Variants in CADPS observed in about 807,000 individuals in gnomAD.
CADPS encodes the protein calcium-dependent secretion activator 1.
CADPS carries 57 observed loss-of-function variants against 167.3 expected under a neutral mutation model. The ratio of observed to expected loss-of-function variants is 0.34; its 90% CI spans 0.28 to 0.42. The LOEUF is 0.42. CADPS is among the 20% of genes least tolerant of loss of function. The probability of loss-of-function intolerance (pLI) is 1.00; values close to 1 mark genes in which losing one functional copy is unlikely to be tolerated. For synonymous variants in CADPS, 676 were observed against 635.3 expected (o/e 1.06, Z -0.96); for missense variants, 1,414 against 1,738.1 (o/e 0.81, Z 3.32).
chr3:62,794,561 T>C (rs191251673), intron 1 of CADPS, among the ~76,000 whole-genome samples: 1 of 152,314 alleles, frequency 6.6e-6, no homozygotes, highest in African/African-American at 2.4e-5. Flanking sequence ...AGATGTTTGA[T>C]ATAGTTACAG....
intron 28 of CADPS, among the ~76,000 whole-genome samples, chr3:62,437,769 C>T (rs1485583121): frequency 6.6e-6 from 1 of 152,110 alleles, no homozygotes; most frequent in African/African-American, 2.4e-5. Context: ...TAAAGTGAGG[C>T]CAGATTGCAA....
chr3:62,583,034 A>ATT (rs774354399), intron 8 of CADPS, among the ~76,000 whole-genome samples: 79,548 of 151,248 alleles, frequency 0.53, 23,354 homozygotes, highest in East Asian at 0.66. Flanking sequence ...GAGAACTCGA[A>ATT]TGTAGGTTGA....
At chr3:62,843,494 T>G (rs79327609) in intron 1 of CADPS, among the ~76,000 whole-genome samples, 1,495 of 122,690 alleles carry the variant, frequency 0.012, 14 homozygotes, top group South Asian at 0.039. Context: ...GCAGTTGGGG[T>G]GTGTGTGTGT....
intron 3 of CADPS, among the ~76,000 whole-genome samples, chr3:62,717,558 CT>C (rs560854393): frequency 6.6e-6 from 1 of 152,080 alleles, no homozygotes. Context: ...TGCTTATTTC[CT>C]TTTTCCCCTC....
intron 3 of CADPS, among the ~76,000 whole-genome samples, chr3:62,714,051 G>A (rs539052178): frequency 6.6e-6 from 1 of 152,170 alleles, no homozygotes; most frequent in South Asian, 2.1e-4. Context: ...TTTTATAGAT[G>A]AGGCCATTGA....
chr3:62,673,581 A>G (rs1298334862), intron 3 of CADPS, among the ~76,000 whole-genome samples: 1 of 152,238 alleles, frequency 6.6e-6, no homozygotes, highest in African/African-American at 2.4e-5. Context: ...TGAGAGCAGG[A>G]TAAATACATA....
intron 3 of CADPS, among the ~76,000 whole-genome samples, chr3:62,701,758 T>G (rs2081440282): frequency 6.6e-6 from 1 of 152,124 alleles, no homozygotes; most frequent in Admixed American, 6.6e-5. Context: ...AGAATGACTA[T>G]GAACCAGGTA....
chr3:62,846,238 T>C (rs1024892439), intron 1 of CADPS, among the ~76,000 whole-genome samples: 4 of 152,202 alleles, frequency 2.6e-5, no homozygotes, highest in Non-Finnish European at 4.4e-5. Context: ...CTCAGGTAGT[T>C]ATTTATAGCA....
At chr3:62,810,421 C>T (rs1016300597) in intron 1 of CADPS, among the ~76,000 whole-genome samples, 2 of 152,096 alleles carry the variant, frequency 1.3e-5, no homozygotes, top group Non-Finnish European at 2.9e-5. Context: ...TCATCATCAT[C>T]ATTCATGAGT....
At chr3:62,472,977 A>G (rs143969998) in intron 24 of CADPS, among the ~76,000 whole-genome samples, 28 of 152,314 alleles carry the variant, frequency 1.8e-4, no homozygotes, top group African/African-American at 6.7e-4. Flanking sequence ...AGAAATGCCA[A>G]TTCTTAGACC....
intron 1 of CADPS, among the ~76,000 whole-genome samples, chr3:62,843,998 G>A (rs2077011271): frequency 6.6e-6 from 1 of 152,182 alleles, no homozygotes; most frequent in Admixed American, 6.6e-5. Context: ...CCCTTGGCAA[G>A]TATATAAAAT....
chr3:62,629,768 G>T lies in CADPS; in HGVS notation c.1325+15954C>A, dbSNP rs2668226. ...CAGACTCTGGTACAGTTTTTTTTTT[G>T]TTTGTTTGTTTGTTTTTTTCCTGTC... On this transcript the variant is annotated intron_variant, in intron 6 of 29. Coordinates refer to ENST00000383710, the MANE Select transcript of CADPS (RefSeq NM_003716.4). Among the ~76,000 whole-genome samples, 1,021 of 147,496 alleles carry T rather than the reference G, an allele frequency of 6.9e-3. 5 individuals carry two copies. The highest frequency in any genetic ancestry group is 0.012 in the African/African-American group (486 of 40,642).
At chr3:62,713,440 CA>C (rs749385103) in intron 3 of CADPS, among the ~76,000 whole-genome samples, 57 of 152,202 alleles carry the variant, frequency 3.7e-4, no homozygotes, top group Non-Finnish European at 6.0e-4. Context: ...CAACACCTGG[CA>C]GTTATCACCC....
At chr3:62,782,386 T>C (rs913641679) in intron 1 of CADPS, among the ~76,000 whole-genome samples, 10 of 152,194 alleles carry the variant, frequency 6.6e-5, no homozygotes, top group African/African-American at 9.6e-5. Context: ...GTTCTAGGCA[T>C]TGAAAAGTCA....
At chr3:62,792,285 C>T (rs1449607473) in intron 1 of CADPS, among the ~76,000 whole-genome samples, 1 of 151,308 alleles carries the variant, frequency 6.6e-6, no homozygotes, top group Non-Finnish European at 1.5e-5. Context: ...GCAACCTTGA[C>T]CTTGACCTCT....
At chr3:62,789,938 T>C (rs2092788059) in intron 1 of CADPS, among the ~76,000 whole-genome samples, 1 of 152,110 alleles carries the variant, frequency 6.6e-6, no homozygotes, top group South Asian at 2.1e-4. Context: ...TATTCTAAAC[T>C]CTGTGAAATA....
intron 1 of CADPS, among the ~76,000 whole-genome samples, chr3:62,853,369 A>G (rs2079004457): frequency 6.6e-6 from 1 of 152,044 alleles, no homozygotes. Flanking sequence ...TCACACCTGT[A>G]ATCCCAGCAC....
At chr3:62,652,757 A>C (rs1365934895) in intron 4 of CADPS, among the ~76,000 whole-genome samples, 1 of 152,222 alleles carries the variant, frequency 6.6e-6, no homozygotes, top group Non-Finnish European at 1.5e-5. Context: ...GATGCTTTCT[A>C]GAGTTACAGA....
chr3:62,448,788 A>G (rs2057610488), intron 26 of CADPS, among the ~76,000 whole-genome samples: 1 of 151,874 alleles, frequency 6.6e-6, no homozygotes, highest in Admixed American at 6.6e-5. Flanking sequence ...TAATTTTTGT[A>G]TTTTTAGTAG....
Sources: gnomAD v4.1 joint callset for allele counts (sites outside exome capture counted in the v4.1 genomes callset) on GRCh38, gnomAD v4.1.1 for gene constraint, MANE v1.5 for transcripts, NCBI Gene and HGNC (gene_info 2026-07-23, HGNC 2026-07-21) for gene names.